CHKA: variants seen among roughly 807,000 people sequenced by gnomAD.
CHKA encodes the protein choline kinase alpha, also known as CHETK-alpha.
In CHKA, 34 loss-of-function variants were observed where a neutral mutation model predicts 60.1. The observed-to-expected ratio is 0.57, with a 90% CI of 0.43 to 0.75. CHKA has a LOEUF of 0.75. CHKA is among the 30% of genes least tolerant of loss of function. The pLI is 0.00. For missense variants in CHKA, 563 were observed against 561.3 expected (o/e 1.00, Z -0.03); for synonymous variants, 217 against 223.1 (o/e 0.97, Z 0.24).
intron 11 of CHKA, 157 bp downstream of exon 11, chr11:68,061,796 C>A: frequency 1.5e-6 from 1 of 676,956 alleles, no homozygotes; most frequent in East Asian, 2.9e-5. Flanking sequence ...CTGAGCCACA[C>A]TGTCCTGATG....
chr11:68,098,652 T>C (rs950413806), intron 1 of CHKA, among the ~76,000 whole-genome samples: 35 of 152,304 alleles, frequency 2.3e-4, no homozygotes, highest in Non-Finnish European at 4.7e-4. Flanking sequence ...AAAATTGTAT[T>C]TTTAATGCTG....
chr11:68,061,994 T>G lies in CHKA; in HGVS notation c.1273A>C (p.Ile425Leu), dbSNP rs376609261. Reference sequence around the variant, plus strand: ...ATAGATGAAATCTTGGCTTGTACAATGGACCACAGTCCCCAGAGGAAATGA... The same window carrying G: ...ATAGATGAAATCTTGGCTTGTACAAGGGACCACAGTCCCCAGAGGAAATGA... ...ASHFLWGLWS[I>L]VQAKISSIEF... is the part of the protein sequence containing the mutation. Residue 425 changes from isoleucine to leucine, a missense_variant, in exon 11 of 12, where the codon ATT (isoleucine) becomes CTT (leucine). Coordinates refer to ENST00000265689, the MANE Select transcript of CHKA (RefSeq NM_001277.3). 2 of 1,598,440 alleles carry G rather than the reference T, an allele frequency of 1.3e-6. No homozygotes were observed. The highest frequency in any genetic ancestry group is 2.7e-5 in the African/African-American group (2 of 74,570).
intron 11 of CHKA, among the ~76,000 whole-genome samples, chr11:68,057,396 T>G (rs1475080837): frequency 1.3e-5 from 2 of 152,058 alleles, no homozygotes; most frequent in Non-Finnish European, 2.9e-5. Context: ...CTCGGCTCAA[T>G]GCAAGCTCCA....
chr11:68,061,858 G>T (rs1177770972), intron 11 of CHKA, 95 bp downstream of exon 11: 1 of 897,012 alleles, frequency 1.1e-6, no homozygotes, highest in Non-Finnish European at 1.8e-6. Context: ...CCCTCTGTAA[G>T]GAACAGTCAT....
intron 3 of CHKA, 54 bp from the exon 4 acceptor site, chr11:68,074,884 GC>G: frequency 6.5e-7 from 1 of 1,532,426 alleles, no homozygotes; most frequent in Non-Finnish European, 9.0e-7. Flanking sequence ...TAAGCGCCAG[GC>G]ATCAGAAGCA....
At chr11:68,092,229 T>A (rs1425826142) in intron 2 of CHKA, among the ~76,000 whole-genome samples, 1 of 152,250 alleles carries the variant, frequency 6.6e-6, no homozygotes, top group Non-Finnish European at 1.5e-5. Flanking sequence ...TATTGGGGGC[T>A]CTGTATTTGC....
At chr11:68,092,068 T>C (rs999343687) in intron 2 of CHKA, among the ~76,000 whole-genome samples, 2 of 152,218 alleles carry the variant, frequency 1.3e-5, no homozygotes, top group African/African-American at 4.8e-5. Context: ...ATTTATAAAG[T>C]TGGCTTGGGA....
intron 10 of CHKA, among the ~76,000 whole-genome samples, chr11:68,062,816 T>A (rs1856298111): frequency 6.6e-6 from 1 of 152,138 alleles, no homozygotes; most frequent in Non-Finnish European, 1.5e-5. Context: ...AGAGATGATG[T>A]ATGCTGCGGT....
intron 7 of CHKA, among the ~76,000 whole-genome samples, chr11:68,068,561 G>A (rs781131428): frequency 6.6e-6 from 1 of 152,050 alleles, no homozygotes; most frequent in Non-Finnish European, 1.5e-5. Flanking sequence ...GGGACTACAG[G>A]TGCACACTAC....
chr11:68,060,483 G>T (rs1352800081), intron 11 of CHKA, among the ~76,000 whole-genome samples: 1 of 151,886 alleles, frequency 6.6e-6, no homozygotes, highest in African/African-American at 2.4e-5. Context: ...GCTAATTTTT[G>T]TATTTTTAGT....
At chr11:68,087,849 A>T (rs1431437953) in intron 2 of CHKA, among the ~76,000 whole-genome samples, 1 of 152,200 alleles carries the variant, frequency 6.6e-6, no homozygotes, top group African/African-American at 2.4e-5. Context: ...GCAGTGGCTC[A>T]CGCCTGTAAT....
In CHKA at chr11:68,066,437, G is replaced by T. The variant is rs780865806; in HGVS notation, c.1008C>A (p.Tyr336Ter). ...GGACTGTAACACAGTACCTGTAATT[G>T]TAACTGCTGTATTCGAAATCAATGA... ...LMLIDFEYSS[Y>*]NYRGFDIGNH... is the part of the protein sequence containing the mutation. Residue 336 changes from tyrosine (Y) to a stop codon, truncating the protein, a stop_gained, in exon 8 of 12, where the codon TAC becomes TAA. Coordinates refer to ENST00000265689, the MANE Select transcript of CHKA (RefSeq NM_001277.3). LOFTEE classifies it high-confidence loss of function. 5 of 1,611,472 alleles carry T rather than the reference G, an allele frequency of 3.1e-6. No individual in the cohort carries two copies. The highest frequency in any genetic ancestry group is 2.2e-5 in the South Asian group (2 of 91,010).
chr11:68,082,557 A>T (rs1198406688), intron 2 of CHKA: 4 of 152,630 alleles, frequency 2.6e-5, no homozygotes, highest in Non-Finnish European at 5.9e-5. Flanking sequence ...AGGAAAAAAA[A>T]TGCCACGTTA....
At chr11:68,090,303 C>T (rs1687581654) in intron 2 of CHKA, among the ~76,000 whole-genome samples, 2 of 152,108 alleles carry the variant, frequency 1.3e-5, no homozygotes, top group African/African-American at 4.8e-5. Context: ...TTAAACCATA[C>T]TCAAAAGTAT....
At chr11:68,064,184 A>C (rs1472810913) in intron 10 of CHKA, among the ~76,000 whole-genome samples, 2 of 152,236 alleles carry the variant, frequency 1.3e-5, no homozygotes, top group African/African-American at 4.8e-5. Flanking sequence ...AGCTGGGTGG[A>C]TCACTGGAGG....
At chr11:68,099,611 A>T (rs1238844768) in intron 1 of CHKA, among the ~76,000 whole-genome samples, 1 of 143,726 alleles carries the variant, frequency 7.0e-6, no homozygotes, top group Non-Finnish European at 1.6e-5. Context: ...CAAAGGAACC[A>T]AAAGCAGCCT....
intron 2 of CHKA, among the ~76,000 whole-genome samples, chr11:68,084,302 GTGTATA>G (rs1857086699): frequency 2.9e-5 from 4 of 140,174 alleles, no homozygotes; most frequent in Non-Finnish European, 6.1e-5. Context: ...ATACGTATAT[GTGTATA>G]TACATGTGTA....
chr11:68,101,853 A>G (rs771955797), intron 1 of CHKA, among the ~76,000 whole-genome samples: 8 of 152,060 alleles, frequency 5.3e-5, no homozygotes, highest in South Asian at 2.1e-4. Context: ...TAATCCCAAC[A>G]CTTTGGGAGG....
At chr11:68,055,806 A>G (rs1173767752) in intron 11 of CHKA, among the ~76,000 whole-genome samples, 1 of 151,948 alleles carries the variant, frequency 6.6e-6, no homozygotes, top group East Asian at 1.9e-4. Context: ...GCACTTTGGG[A>G]GGCCAAGGCG....
Sources: gnomAD v4.1 joint callset for allele counts (sites outside exome capture counted in the v4.1 genomes callset) on GRCh38, gnomAD v4.1.1 for gene constraint, MANE v1.5 for transcripts, NCBI Gene and HGNC (gene_info 2026-07-23, HGNC 2026-07-21) for gene names.